PUDP: variants seen among roughly 807,000 people sequenced by gnomAD.
PUDP encodes the protein pseudouridine-5'-phosphatase.
Under a neutral mutation model 9.4 loss-of-function variants are expected in PUDP, and 8 were observed. The ratio of observed to expected loss-of-function variants is 0.85; its 90% CI spans 0.50 to 1.53. The LOEUF (loss-of-function observed/expected upper bound fraction) is 1.53, where lower values mean the gene tolerates loss of function less well. Ranked by LOEUF, PUDP falls within the 40% of genes most tolerant of loss-of-function variation. The pLI, the probability that PUDP is intolerant of heterozygous loss-of-function variation, is 0.00. For synonymous variants in PUDP, 99 were observed against 80.7 expected (o/e 1.23, Z -1.22); for missense variants, 188 against 189.7 (o/e 0.99, Z 0.05).
intron 3 of PUDP, among the ~76,000 whole-genome samples, chrX:6,873,067 G>A (rs1215255625): frequency 1.8e-5 from 2 of 111,749 alleles, no homozygotes; most frequent in African/African-American, 6.5e-5. Flanking sequence ...TCCCAAGCAC[G>A]AGAGAAATCC....
At chrX:6,826,283 A>T (rs1926421647) in intron 3 of PUDP, among the ~76,000 whole-genome samples, 1 of 112,211 alleles carries the variant, frequency 8.9e-6, no homozygotes, top group East Asian at 2.8e-4. Context: ...GCATAACTGT[A>T]ACAAATGTAC....
In PUDP at chrX:6,816,933, CA is replaced by C. The variant is rs1449212614; in HGVS notation, c.*248-110468del. Among the ~76,000 whole-genome samples, 10 of 90,999 alleles carry C rather than the reference CA, an allele frequency of 1.1e-4. No homozygotes were observed. In the East Asian group the frequency reaches 1.3e-3, roughly 12 times the overall value. 79.0% of individuals were successfully genotyped at this position (90,999 alleles called of 115,157 possible). A position where few individuals can be genotyped will look rare whatever the true frequency, so the allele number is the denominator to read the frequency against. On this transcript the variant is annotated intron_variant and NMD_transcript_variant, in intron 3 of 3. Coordinates refer to the PUDP transcript ENST00000655425. Reference sequence around the variant, plus strand: ...CTATATAGTATATATAATATATATACACATATAGTATATACTATATGTATAT... The same window carrying C: ...CTATATAGTATATATAATATATATACCATATAGTATATACTATATGTATAT...
chrX:6,872,624 A>G (rs763611659), intron 3 of PUDP, among the ~76,000 whole-genome samples: 22 of 105,702 alleles, frequency 2.1e-4, no homozygotes, highest in South Asian at 1.4e-3. Context: ...ACTTGAATCC[A>G]GGAGGCGGAG....
At chrX:7,027,014 C>A (rs761639289) in intron 1 of PUDP, among the ~76,000 whole-genome samples, 2 of 110,980 alleles carry the variant, frequency 1.8e-5, no homozygotes, top group Non-Finnish European at 3.8e-5. Context: ...TTAATTATCC[C>A]GCCAATGCTC....
At chrX:6,730,172 A>G (rs1357479778) in intron 3 of PUDP, among the ~76,000 whole-genome samples, 1 of 111,962 alleles carries the variant, frequency 8.9e-6, no homozygotes, top group Non-Finnish European at 1.9e-5. Flanking sequence ...AGGTAACTTT[A>G]TGGCTCAAAC....
rs753649426 is a variant in PUDP, at chrX:7,079,390, A to G, written c.281-1941T>C. On this transcript the variant is annotated intron_variant, in intron 2 of 3. Transcript: ENST00000381077. ...GTAGAAGGAAGTTTAAAACTCCTCT[A>G]TCAGTAATTGATAAAACAAGTAGAC... 9.8e-5 allele frequency among the ~76,000 whole-genome samples: 11 copies of G among 112,723 alleles called. No individual in the cohort carries two copies. In the South Asian group the frequency reaches 2.9e-3, roughly 30 times the overall value.
chrX:7,043,834 G>A (rs1258571050), intron 1 of PUDP, among the ~76,000 whole-genome samples: 2 of 111,532 alleles, frequency 1.8e-5, no homozygotes, highest in Non-Finnish European at 3.8e-5. Flanking sequence ...GTGTGAGGGA[G>A]GAAAGCAATG....
At chrX:6,981,665 C>A (rs778016732) in intron 1 of PUDP, among the ~76,000 whole-genome samples, 1 of 111,189 alleles carries the variant, frequency 9.0e-6, no homozygotes, top group Non-Finnish European at 1.9e-5. Flanking sequence ...TCAGCCCCAT[C>A]ATTTCATATA....
intron 3 of PUDP, among the ~76,000 whole-genome samples, chrX:6,751,243 A>T (rs544712013): frequency 3.6e-5 from 4 of 112,109 alleles, no homozygotes; most frequent in African/African-American, 1.3e-4. Context: ...TGCAATTGTG[A>T]CCTCAAAAAG....
Position 6,787,429 on chromosome X carries a change from G to T in PUDP, c.*248-80963C>A, listed in dbSNP as rs151258110. The stretch of plus-strand genomic sequence containing the variant: ...ATCTCTATTTAGGCAGACACCCAGC[G>T]AAGAGGGTCGTTGCTATGCCATTGC... On this transcript the variant is annotated intron_variant and NMD_transcript_variant, in intron 3 of 3. Transcript: ENST00000655425. 8.0e-5 allele frequency among the ~76,000 whole-genome samples: 9 copies of T among 112,178 alleles called. No homozygotes were observed. In the East Asian group the frequency reaches 2.5e-3, roughly 32 times the overall value.
In PUDP at chrX:7,035,227, G is replaced by A. The variant is rs759687363; in HGVS notation, c.204+41993C>T. 6.3e-5 allele frequency among the ~76,000 whole-genome samples: 7 copies of A among 110,771 alleles called. No homozygotes were observed. In the South Asian group the frequency reaches 2.7e-3, roughly 42 times the overall value. On this transcript the variant is annotated intron_variant and NMD_transcript_variant, in intron 1 of 3. Transcript: ENST00000655425. ...TATAACTTTTTATACGATATATATGGGTTTATTACTAAATATTCTTAAAAT... is the reference window on the plus strand; with the variant it reads ...TATAACTTTTTATACGATATATATGAGTTTATTACTAAATATTCTTAAAAT...
chrX:6,731,966 A>G (rs1023097067), intron 3 of PUDP, among the ~76,000 whole-genome samples: 1 of 112,246 alleles, frequency 8.9e-6, no homozygotes, highest in Non-Finnish European at 1.9e-5. Context: ...ACTCCATCAT[A>G]TTTCATATAT....
At chrX:6,708,720 G>T (rs1331130552) in intron 1 of PUDP, among the ~76,000 whole-genome samples, 1 of 111,765 alleles carries the variant, frequency 8.9e-6, no homozygotes, top group East Asian at 2.8e-4. Context: ...CCATGACCAA[G>T]GTCCCAAGAC....
At chrX:7,067,250 T>C (rs1276730255) in intron 3 of PUDP, among the ~76,000 whole-genome samples, 1 of 112,165 alleles carries the variant, frequency 8.9e-6, no homozygotes, top group Non-Finnish European at 1.9e-5. Context: ...GAGACCCTCA[T>C]GCCCCAGGAA....
At chrX:7,122,360 T>A (rs188341217) in intron 1 of PUDP, among the ~76,000 whole-genome samples, 1 of 111,454 alleles carries the variant, frequency 9.0e-6, no homozygotes. Context: ...AAAGCACATA[T>A]TTGGCAGTAG....
chrX:7,030,382 G>A (rs1028627041), intron 1 of PUDP, among the ~76,000 whole-genome samples: 2 of 111,541 alleles, frequency 1.8e-5, no homozygotes, highest in Non-Finnish European at 3.8e-5. Flanking sequence ...AAAGGCTTCC[G>A]CGATGGAATG....
At chrX:7,084,367 C>T (rs1292906179) in intron 2 of PUDP, among the ~76,000 whole-genome samples, 2 of 112,457 alleles carry the variant, frequency 1.8e-5, no homozygotes, top group African/African-American at 6.5e-5. Context: ...CGTACTCCAT[C>T]CTCTCTGTTC....
chrX:6,743,453 G>T (rs905160347), intron 3 of PUDP, among the ~76,000 whole-genome samples: 1 of 112,085 alleles, frequency 8.9e-6, no homozygotes, highest in Non-Finnish European at 1.9e-5. Context: ...AGAACTCAAT[G>T]AGGACTTGCA....
intron 3 of PUDP, among the ~76,000 whole-genome samples, chrX:6,849,752 G>A (rs149313498): frequency 0.015 from 1,639 of 111,580 alleles, 32 homozygotes; most frequent in African/African-American, 0.051. Flanking sequence ...AGGAGGAAGC[G>A]GATGGATGTG....
Sources: allele counts gnomAD v4.1 joint callset (sites outside exome capture counted in the v4.1 genomes callset), GRCh38; gene constraint gnomAD v4.1.1; transcripts MANE v1.5; gene names NCBI Gene and HGNC (gene_info 2026-07-23, HGNC 2026-07-21).